Variants in TNR observed in about 807,000 individuals in gnomAD.
TNR encodes tenascin-R.
TNR carries 45 observed loss-of-function variants against 150.4 expected under a neutral mutation model. The observed-to-expected ratio is 0.30, with a 90% CI of 0.24 to 0.38. TNR has a LOEUF of 0.38. Among genes scored for constraint, TNR ranks in the 10% least tolerant of loss-of-function variants. The pLI, the probability that TNR is intolerant of heterozygous loss-of-function variation, is 1.00. For missense variants in TNR, 1,544 were observed against 1,759.1 expected (o/e 0.88, Z 2.19); for synonymous variants, 687 against 678.4 (o/e 1.01, Z -0.20).
intron 1 of TNR, among the ~76,000 whole-genome samples, chr1:175,621,466 G>T (rs1223397734): frequency 6.6e-6 from 1 of 152,062 alleles, no homozygotes; most frequent in Non-Finnish European, 1.5e-5. Context: ...ATTTCAGGAC[G>T]CTTTCTTCCT....
chr1:175,520,735 CCTT>C (rs1659605384), intron 2 of TNR, among the ~76,000 whole-genome samples: 1 of 151,938 alleles, frequency 6.6e-6, no homozygotes, highest in Non-Finnish European at 1.5e-5. Flanking sequence ...TATTTTCTCC[CCTT>C]CTTCTCCTCA....
intron 2 of TNR, among the ~76,000 whole-genome samples, chr1:175,416,143 C>A (rs1354825955): frequency 4.0e-5 from 6 of 151,450 alleles, no homozygotes; most frequent in South Asian, 2.1e-4. Context: ...CACACACACA[C>A]TATATATATA....
chr1:175,476,393 T>C (rs1411796260), intron 2 of TNR, among the ~76,000 whole-genome samples: 1 of 152,214 alleles, frequency 6.6e-6, no homozygotes, highest in Non-Finnish European at 1.5e-5. Flanking sequence ...GACTTCCATT[T>C]TGCTTTTGGG....
At chr1:175,518,906 C>T (rs1373531976) in intron 2 of TNR, among the ~76,000 whole-genome samples, 1 of 152,092 alleles carries the variant, frequency 6.6e-6, no homozygotes, top group East Asian at 1.9e-4. Flanking sequence ...CTTTATCCAC[C>T]CCTCTGCCAT....
intron 1 of TNR, among the ~76,000 whole-genome samples, chr1:175,729,490 G>C (rs1232698118): frequency 1.3e-5 from 2 of 152,028 alleles, no homozygotes; most frequent in Admixed American, 1.3e-4. Flanking sequence ...GTGCAGTGGT[G>C]AGATCATAAC....
At chr1:175,384,732 T>A (rs1479323715) in intron 8 of TNR, among the ~76,000 whole-genome samples, 1 of 152,184 alleles carries the variant, frequency 6.6e-6, no homozygotes, top group African/African-American at 2.4e-5. Flanking sequence ...TCCTCTATGC[T>A]CTAAGTCCTA....
At chr1:175,675,936 G>T (rs528539303) in intron 1 of TNR, among the ~76,000 whole-genome samples, 3 of 152,280 alleles carry the variant, frequency 2.0e-5, no homozygotes, top group South Asian at 4.2e-4. Flanking sequence ...CTGATTGTGG[G>T]GAGGATGTGA....
chr1:175,429,338 TA>T (rs1655159350), intron 2 of TNR, among the ~76,000 whole-genome samples: 5 of 152,156 alleles, frequency 3.3e-5, no homozygotes, highest in Admixed American at 1.3e-4. Flanking sequence ...TAAATATAGA[TA>T]AATGCAGAAA....
intron 2 of TNR, among the ~76,000 whole-genome samples, chr1:175,489,424 A>G (rs1230198583): frequency 6.6e-6 from 1 of 152,206 alleles, no homozygotes; most frequent in East Asian, 1.9e-4. Context: ...TAGGGTCTGT[A>G]CAAAGAATTT....
At chr1:175,405,714 G>A (rs1653918650) in intron 3 of TNR, among the ~76,000 whole-genome samples, 1 of 152,034 alleles carries the variant, frequency 6.6e-6, no homozygotes, top group Non-Finnish European at 1.5e-5. Flanking sequence ...GGAGAAGATG[G>A]GGATAGGTCC....
chr1:175,359,891 A>G (rs111952967), intron 14 of TNR, among the ~76,000 whole-genome samples, 160 bp from the exon 15 acceptor site: 1 of 152,208 alleles, frequency 6.6e-6, no homozygotes, highest in African/African-American at 2.4e-5. Flanking sequence ...TTCTGGTTCC[A>G]TCAGCCTCTT....
chr1:175,545,140 A>T (rs1334758338), intron 1 of TNR, among the ~76,000 whole-genome samples: 1 of 152,236 alleles, frequency 6.6e-6, no homozygotes, highest in African/African-American at 2.4e-5. Flanking sequence ...ACCTAACAAA[A>T]GCTGACTGCT....
intron 1 of TNR, among the ~76,000 whole-genome samples, chr1:175,664,369 C>G (rs563085924): frequency 6.6e-6 from 1 of 152,136 alleles, no homozygotes; most frequent in Non-Finnish European, 1.5e-5. Context: ...TTGCCAAACA[C>G]CCACTGCATC....
intron 1 of TNR, among the ~76,000 whole-genome samples, chr1:175,683,389 A>G (rs561994476): frequency 1.3e-5 from 2 of 152,250 alleles, no homozygotes; most frequent in East Asian, 1.9e-4. Flanking sequence ...GATGTGACCA[A>G]CCCTACAATC....
chr1:175,708,029 TG>T (rs1308826350), intron 1 of TNR, among the ~76,000 whole-genome samples: 5 of 148,398 alleles, frequency 3.4e-5, no homozygotes, highest in Non-Finnish European at 7.4e-5. Context: ...TGTGTGTGTG[TG>T]TGTGTGTGTG....
chr1:175,357,552 A>G (rs1651390509), intron 15 of TNR, among the ~76,000 whole-genome samples: 1 of 152,228 alleles, frequency 6.6e-6, no homozygotes, highest in Non-Finnish European at 1.5e-5. Context: ...TGCTCCAGCC[A>G]TACCAAACTA....
intron 1 of TNR, among the ~76,000 whole-genome samples, chr1:175,658,342 T>G (rs1665255986): frequency 6.6e-6 from 1 of 152,164 alleles, no homozygotes; most frequent in Non-Finnish European, 1.5e-5. Flanking sequence ...ACTCTACACA[T>G]CACCCTGCTG....
intron 4 of TNR, 119 bp from the exon 5 acceptor site, chr1:175,396,926 A>G (rs1200259321): frequency 1.5e-6 from 2 of 1,330,718 alleles, no homozygotes; most frequent in Non-Finnish European, 1.0e-6. Context: ...TGCTGGGCTC[A>G]ATGGCTTTAA....
rs1004494958 is a variant in TNR at position 175,322,386 on chromosome 1, T to A, written c.*971A>T. The A allele has an allele frequency of 2.0e-5, 3 of 152,178 alleles. No homozygotes were observed. The highest frequency in any genetic ancestry group is 4.4e-5 in the Non-Finnish European group (3 of 68,050). The allele number at this position is 152,178 out of a possible 1,614,324, so 9.4% of individuals were successfully genotyped here. ...GACAGGATGGGATTAGGCAAAAGAC[T>A]CCATCAGGGCCAGAAAAGAGCCACT... On this transcript the variant is annotated 3_prime_UTR_variant, in exon 23 of 23. Coordinates refer to ENST00000367674, the MANE Select transcript of TNR (RefSeq NM_003285.3).
Sources: allele counts gnomAD v4.1 joint callset (sites outside exome capture counted in the v4.1 genomes callset), GRCh38; gene constraint gnomAD v4.1.1; transcripts MANE v1.5; gene names NCBI Gene and HGNC (gene_info 2026-07-23, HGNC 2026-07-21).